The following USP25 variants were observed in gnomAD, a reference collection of about 807,000 sequenced individuals.
The protein encoded by USP25 is ubiquitin carboxyl-terminal hydrolase 25.
Under a neutral mutation model 158.5 loss-of-function variants are expected in USP25, and 85 were observed. That is an observed-to-expected ratio of 0.54 (90% CI 0.45 to 0.64). USP25 has a LOEUF of 0.64. Among genes scored for constraint, USP25 ranks in the 30% least tolerant of loss-of-function variants. The pLI is 0.00. For missense variants in USP25, 1,242 were observed against 1,327.3 expected (o/e 0.94, Z 1.00); for synonymous variants, 464 against 460.4 (o/e 1.01, Z -0.10).
chr21:15,879,009 A>G lies in USP25; in HGVS notation c.*534A>G, dbSNP rs1396342157. The G allele has an allele frequency of 6.6e-6, 1 of 152,624 alleles. No individual in the cohort carries two copies. Among genetic ancestry groups the G allele is most frequent in the Non-Finnish European group, 1.5e-5 (1 of 68,038 alleles). 9.5% of individuals were successfully genotyped at this position (152,624 alleles called of 1,614,324 possible). A position where few individuals can be genotyped will look rare whatever the true frequency, so the allele number is the denominator to read the frequency against. On this transcript the variant is annotated 3_prime_UTR_variant, in exon 26 of 26. Coordinates refer to ENST00000400183, the MANE Select transcript of USP25 (RefSeq NM_001283041.3). ...AAGATTGGATAGTTAATAGATTAAT[A>G]CAATCTTTTAATTCTGCTCTAATGC... is the stretch of plus-strand genomic sequence containing the variant.
chr21:15,800,474 A>C (rs933316195), intron 6 of USP25, among the ~76,000 whole-genome samples: 7 of 151,238 alleles, frequency 4.6e-5, no homozygotes, highest in African/African-American at 1.7e-4. Context: ...AGGGGCTTAA[A>C]AGTGCTTGGT....
chr21:15,779,846 C>T (rs2034864894), intron 4 of USP25, among the ~76,000 whole-genome samples: 1 of 151,978 alleles, frequency 6.6e-6, no homozygotes, highest in Non-Finnish European at 1.5e-5. Flanking sequence ...GCTATGCTCC[C>T]TAGAAGTAAA....
At chr21:15,757,199 A>C (rs1033343672) in intron 1 of USP25, among the ~76,000 whole-genome samples, 3 of 152,216 alleles carry the variant, frequency 2.0e-5, no homozygotes, top group Admixed American at 6.5e-5. Context: ...AAGGGAAAAA[A>C]ACTTTGCAAA....
chr21:15,752,908 T>C (rs1425135269), intron 1 of USP25, among the ~76,000 whole-genome samples: 2 of 152,222 alleles, frequency 1.3e-5, no homozygotes, highest in African/African-American at 4.8e-5. Flanking sequence ...CAGTAGGATA[T>C]GCAGCATACC....
intron 14 of USP25, among the ~76,000 whole-genome samples, chr21:15,827,430 CAT>C (rs1048836046): frequency 2.0e-5 from 3 of 152,148 alleles, no homozygotes; most frequent in Admixed American, 6.5e-5. Context: ...TGATTAATGA[CAT>C]AGCAGATGGC....
chr21:15,811,368 C>T (rs1034587781), intron 9 of USP25, among the ~76,000 whole-genome samples, 158 bp downstream of exon 9: 2 of 152,020 alleles, frequency 1.3e-5, no homozygotes, highest in Non-Finnish European at 2.9e-5. Flanking sequence ...ACATAAAGCA[C>T]AGAATTGAAT....
Position 15,831,632 on chromosome 21 carries a change from A to T in USP25, c.1993+3A>T. 1 of 1,608,986 alleles carries T rather than the reference A, an allele frequency of 6.2e-7. No homozygotes were observed. Among genetic ancestry groups the T allele is most frequent in the Non-Finnish European group, 8.5e-7 (1 of 1,175,814 alleles). On this transcript the variant is annotated splice_donor_region_variant and intron_variant, in intron 16 of 25. Coordinates refer to ENST00000400183, the MANE Select transcript of USP25 (RefSeq NM_001283041.3). ...TAAGGCACAGTTCCTAATACAAGGT[A>T]AGAATATATAGGGTGGTGTGTATTT...
intron 17 of USP25, among the ~76,000 whole-genome samples, chr21:15,839,133 A>G (rs1431117377): frequency 2.6e-5 from 4 of 152,142 alleles, no homozygotes; most frequent in Admixed American, 2.0e-4. Context: ...TCATGGTGAA[A>G]TGAGTGCATT....
rs567966628 is a variant in USP25, at chr21:15,786,379, C to T, written c.393-5123C>T. The stretch of plus-strand genomic sequence containing the variant: ...CCTGATCAACCTAGATGCAGAAATT[C>T]TCAACAAGATTCTAGCACGTCCGAT... On this transcript the variant is annotated intron_variant, in intron 4 of 25. Transcript: ENST00000400183. Among the ~76,000 whole-genome samples, 6 of 152,200 alleles carry T rather than the reference C, an allele frequency of 3.9e-5. No homozygotes were observed. The East Asian group carries it at 7.7e-4, about 20-fold the overall frequency.
At chr21:15,815,365 T>C (rs2036884522) in intron 9 of USP25, among the ~76,000 whole-genome samples, 1 of 151,956 alleles carries the variant, frequency 6.6e-6, no homozygotes, top group Admixed American at 6.6e-5. Context: ...CACCACCTAG[T>C]GGAACTGTGA....
intron 1 of USP25, chr21:15,743,939 G>C (rs2032298791): frequency 1.3e-5 from 2 of 155,558 alleles, no homozygotes; most frequent in Middle Eastern, 5.1e-4. Flanking sequence ...CAGATTTGCA[G>C]AACTGGCTTC....
intron 23 of USP25, among the ~76,000 whole-genome samples, chr21:15,872,223 T>C (rs541168405): frequency 6.6e-6 from 1 of 152,222 alleles, no homozygotes; most frequent in Non-Finnish European, 1.5e-5. Flanking sequence ...ACCATAATTT[T>C]ATAGAGTGTA....
chr21:15,821,659 A>C (rs2037243370), intron 10 of USP25, among the ~76,000 whole-genome samples: 1 of 152,030 alleles, frequency 6.6e-6, no homozygotes, highest in South Asian at 2.1e-4. Flanking sequence ...CAAGGCAATT[A>C]AATGACTGGA....
intron 9 of USP25, among the ~76,000 whole-genome samples, chr21:15,813,171 C>T (rs978127301): frequency 2.6e-5 from 4 of 152,144 alleles, no homozygotes; most frequent in Admixed American, 6.5e-5. Flanking sequence ...ACTGAGCTTC[C>T]GTGCTCCCAA....
intron 1 of USP25, among the ~76,000 whole-genome samples, chr21:15,740,711 A>G (rs943820129): frequency 1.0e-5 from 1 of 99,106 alleles, no homozygotes; most frequent in Non-Finnish European, 2.0e-5. Flanking sequence ...AATAATTCCT[A>G]TAGGATTTTT....
At chr21:15,761,461 A>C (rs145144332) in intron 1 of USP25, among the ~76,000 whole-genome samples, 4 of 152,328 alleles carry the variant, frequency 2.6e-5, no homozygotes, top group Admixed American at 6.5e-5. Context: ...GGTGATTAGC[A>C]ACTTCCTGAT....
intron 10 of USP25, among the ~76,000 whole-genome samples, chr21:15,819,991 C>T (rs1241644369): frequency 6.6e-6 from 1 of 152,006 alleles, no homozygotes; most frequent in Non-Finnish European, 1.5e-5. Context: ...AGCCAGACTT[C>T]AAAGTTATCC....
intron 6 of USP25, among the ~76,000 whole-genome samples, chr21:15,803,508 T>C (rs1250212311): frequency 6.6e-6 from 1 of 151,834 alleles, no homozygotes; most frequent in African/African-American, 2.4e-5. Flanking sequence ...AAAACCATAT[T>C]ATCATCTCTG....
intron 4 of USP25, among the ~76,000 whole-genome samples, chr21:15,783,822 T>C (rs2035112384): frequency 6.7e-6 from 1 of 149,966 alleles, no homozygotes; most frequent in Non-Finnish European, 1.5e-5. Flanking sequence ...TACAAAAAAT[T>C]AGCCAGGCAT....
Sources: allele counts gnomAD v4.1 joint callset (sites outside exome capture counted in the v4.1 genomes callset), GRCh38; gene constraint gnomAD v4.1.1; transcripts MANE v1.5; gene names NCBI Gene and HGNC (gene_info 2026-07-23, HGNC 2026-07-21).